SEC23A: variants seen among roughly 807,000 people sequenced by gnomAD.
The protein encoded by SEC23A is SEC23 homolog A, COPII component.
A neutral mutation model predicts 103.7 loss-of-function variants in SEC23A; 56 were observed. That is an observed-to-expected ratio of 0.54 (90% CI 0.44 to 0.67). SEC23A has a LOEUF of 0.67. Ranked by LOEUF, SEC23A falls within the 30% of genes least tolerant of loss-of-function variation. The pLI is 0.00. For synonymous variants in SEC23A, 281 were observed against 293.0 expected (o/e 0.96, Z 0.42); for missense variants, 784 against 936.4 (o/e 0.84, Z 2.12).
chr14:39,102,088 C>G (rs190531284), intron 1 of SEC23A, among the ~76,000 whole-genome samples: 1 of 151,854 alleles, frequency 6.6e-6, no homozygotes, highest in Non-Finnish European at 1.5e-5. Context: ...AAAAATTAGC[C>G]GGGCATAGTA....
chr14:39,041,583 G>A (rs1885648063), intron 17 of SEC23A: 1 of 151,696 alleles, frequency 6.6e-6, no homozygotes, highest in African/African-American at 2.4e-5. Context: ...TAAAACTCCT[G>A]GGTAGGTCGG....
intron 7 of SEC23A, among the ~76,000 whole-genome samples, chr14:39,085,165 C>G (rs1887387523): frequency 6.6e-6 from 1 of 152,136 alleles, no homozygotes; most frequent in African/African-American, 2.4e-5. Flanking sequence ...GCCAAAAGAA[C>G]ACAGTTTGGA....
chr14:39,084,420 GAACTTCTTTCCAGA>G (rs1887354217), intron 7 of SEC23A, among the ~76,000 whole-genome samples: 1 of 152,102 alleles, frequency 6.6e-6, no homozygotes, highest in Non-Finnish European at 1.5e-5. Flanking sequence ...ACATCTGGGT[GAACTTCTTTCCAGA>G]ATCATGTCTG....
intron 14 of SEC23A, among the ~76,000 whole-genome samples, chr14:39,054,866 G>A (rs985139517): frequency 6.6e-6 from 1 of 152,130 alleles, no homozygotes; most frequent in Non-Finnish European, 1.5e-5. Flanking sequence ...GAATTAAATT[G>A]GGAACTAACC....
intron 1 of SEC23A, among the ~76,000 whole-genome samples, chr14:39,101,182 AAAAGACTATTAC>A (rs1487194571): frequency 1.3e-5 from 2 of 152,190 alleles, no homozygotes; most frequent in Non-Finnish European, 2.9e-5. Context: ...TACAAAACAC[AAAAGACTATTAC>A]AAAGAAATGT....
chr14:39,048,584 A>C, intron 15 of SEC23A, 68 bp downstream of exon 15: 1 of 974,754 alleles, frequency 1.0e-6, no homozygotes, highest in Non-Finnish European at 1.6e-6. Context: ...TGGATGACAT[A>C]GGGAGAGCCT....
chr14:39,071,989 T>A (rs975235857), intron 9 of SEC23A, among the ~76,000 whole-genome samples: 8 of 151,824 alleles, frequency 5.3e-5, no homozygotes, highest in Admixed American at 5.2e-4. Flanking sequence ...ATCCCAGAAT[T>A]TTAGGAGGCC....
Position 39,091,713 on chromosome 14 carries a change from G to C in SEC23A, c.367C>G (p.Arg123Gly). 6.2e-7 allele frequency: 1 copy of C among 1,608,908 alleles called. No individual in the cohort carries two copies. Among genetic ancestry groups the C allele is most frequent in the East Asian group, 2.2e-5 (1 of 44,816 alleles). ...AATATCAAAGGCATCTGAGGACCAC[G>C]CTTTTAAAAAATTCACCAAAAAGAA... is the stretch of plus-strand genomic sequence containing the variant. ...QFSSIEYVVLRGPQMPLIFLY... is the reference protein window; with the variant it reads ...QFSSIEYVVLGGPQMPLIFLY... Residue 123 changes from arginine (R) to glycine (G), a missense_variant and splice_region_variant, in exon 5 of 20, where the codon CGT (arginine) becomes GGT (glycine). Arg to Gly is a moderately radical substitution (Grantham distance 125). Coordinates refer to ENST00000307712, the MANE Select transcript of SEC23A (RefSeq NM_006364.4).
At chr14:39,099,154 G>GTTTTTTTTTTTTTTTTTTTTT (rs35763261) in intron 1 of SEC23A, among the ~76,000 whole-genome samples, 1 of 83,644 alleles carries the variant, frequency 1.2e-5, no homozygotes, top group Non-Finnish European at 2.4e-5. Context: ...TTGTTTTTGG[G>GTTTTTTTTTTTTTTTTTTTTT]TTTTTTTTTT....
At chr14:39,034,873 A>C (rs1000749331) in intron 19 of SEC23A, among the ~76,000 whole-genome samples, 2 of 152,154 alleles carry the variant, frequency 1.3e-5, no homozygotes, top group Non-Finnish European at 2.9e-5. Context: ...ACTGTCACAG[A>C]AGTGTTGCAG....
intron 14 of SEC23A, among the ~76,000 whole-genome samples, chr14:39,054,936 T>G (rs749005492): frequency 1.3e-5 from 2 of 152,158 alleles, no homozygotes; most frequent in Non-Finnish European, 1.5e-5. Context: ...TCTTACATTT[T>G]AAGGAAAAAA....
At chr14:39,072,589 G>C (rs1214178369) in intron 9 of SEC23A, among the ~76,000 whole-genome samples, 1 of 151,886 alleles carries the variant, frequency 6.6e-6, no homozygotes, top group Non-Finnish European at 1.5e-5. Flanking sequence ...GAGGCAGGAG[G>C]ATCGAGCCCA....
At chr14:39,094,123 T>C (rs1187651846) in intron 2 of SEC23A, among the ~76,000 whole-genome samples, 1 of 151,202 alleles carries the variant, frequency 6.6e-6, no homozygotes, top group Non-Finnish European at 1.5e-5. Context: ...CTGGCTCAAG[T>C]GTTTCTCCCA....
chr14:39,051,966 C>T (rs1476062504), intron 14 of SEC23A, among the ~76,000 whole-genome samples: 2 of 53,838 alleles, frequency 3.7e-5, no homozygotes, highest in East Asian at 9.7e-4. Flanking sequence ...GGCTCCTTCT[C>T]GAAAAAAAAA....
chr14:39,068,524 C>T (rs1181545184), intron 9 of SEC23A, among the ~76,000 whole-genome samples: 1 of 151,942 alleles, frequency 6.6e-6, no homozygotes, highest in Admixed American at 6.6e-5. Flanking sequence ...ATTTCAAACA[C>T]AAACTCAGAA....
intron 12 of SEC23A, among the ~76,000 whole-genome samples, chr14:39,062,581 AATT>A (rs1489742497): frequency 6.6e-6 from 1 of 152,168 alleles, no homozygotes; most frequent in East Asian, 1.9e-4. Context: ...AATATATAAT[AATT>A]ATCATCAGAA....
intron 1 of SEC23A, among the ~76,000 whole-genome samples, chr14:39,099,162 T>G (rs1190337822): frequency 1.4e-5 from 2 of 143,242 alleles, no homozygotes; most frequent in Non-Finnish European, 1.5e-5. Context: ...GGGTTTTTTT[T>G]TTTTTTTTTT....
chr14:39,041,175 C>T (rs1014261312), intron 17 of SEC23A: 5 of 252,934 alleles, frequency 2.0e-5, no homozygotes, highest in Non-Finnish European at 3.0e-5. Context: ...AGCTATCTAC[C>T]TAAGCTTATG....
At chr14:39,053,275 A>T (rs1285669841) in intron 14 of SEC23A, among the ~76,000 whole-genome samples, 3 of 152,276 alleles carry the variant, frequency 2.0e-5, no homozygotes, top group Non-Finnish European at 4.4e-5. Flanking sequence ...GATTCTCTAC[A>T]GATTGACGAG....
Sources: allele counts gnomAD v4.1 joint callset (sites outside exome capture counted in the v4.1 genomes callset), GRCh38; gene constraint gnomAD v4.1.1; transcripts MANE v1.5; gene names NCBI Gene and HGNC (gene_info 2026-07-23, HGNC 2026-07-21).